Variants in PCDH9 observed in about 807,000 individuals in gnomAD.
The protein encoded by PCDH9 is protocadherin 9, also known as protocadherin-9.
Under a neutral mutation model 70.6 loss-of-function variants are expected in PCDH9, and 24 were observed. That is an observed-to-expected ratio of 0.34 (90% confidence interval 0.25 to 0.48). PCDH9 has a LOEUF of 0.48. Among genes scored for constraint, PCDH9 ranks in the 20% least tolerant of loss-of-function variants. The pLI is 0.99. For missense variants in PCDH9, 1,281 were observed against 1,503.6 expected (o/e 0.85, Z 2.45); for synonymous variants, 562 against 558.5 (o/e 1.01, Z -0.09).
At chr13:66,587,484 C>A (rs1422804395) in intron 4 of PCDH9, among the ~76,000 whole-genome samples, 1 of 152,098 alleles carries the variant, frequency 6.6e-6, no homozygotes, top group Non-Finnish European at 1.5e-5. Flanking sequence ...TGTGTTAGCA[C>A]TCTAAAGGTA....
At position 66,363,823 on chromosome 13, in the gene PCDH9, G is replaced by T. The variant is rs192471502; in HGVS notation, c.3341-58795C>A. On this transcript the variant is annotated intron_variant, in intron 4 of 4. Transcript: ENST00000377865. ...CTACATGAACACACATTGAGACTTG[G>T]GATAATGATGTTGGGCCTACTACTT... Among the ~76,000 whole-genome samples, 230 of 151,584 alleles carry T rather than the reference G, an allele frequency of 1.5e-3. 1 individual carries two copies. Among genetic ancestry groups the T allele is most frequent in the African/African-American group, 5.2e-3 (216 of 41,266 alleles).
intron 2 of PCDH9, among the ~76,000 whole-genome samples, chr13:66,922,086 T>C (rs1170040728): frequency 6.6e-6 from 1 of 151,374 alleles, no homozygotes. Context: ...TTCATAAAGA[T>C]AAACCAGATT....
In PCDH9 at chr13:66,592,475, A is replaced by G. The variant is rs186887010; in HGVS notation, c.3340+38735T>C. On this transcript the variant is annotated intron_variant, in intron 4 of 4. Transcript: ENST00000377865. ...TCTTTGGCTCAAGACATTAAAAGCAAAAGAAATTAACTTAATCTACATTGA... is the reference window on the plus strand; with the variant it reads ...TCTTTGGCTCAAGACATTAAAAGCAGAAGAAATTAACTTAATCTACATTGA... 8.6e-5 allele frequency among the ~76,000 whole-genome samples: 13 copies of G among 151,898 alleles called. No homozygotes were observed. In the South Asian group the frequency reaches 1.0e-3, roughly 12 times the overall value.
intron 3 of PCDH9, among the ~76,000 whole-genome samples, chr13:66,777,563 A>C (rs575447471): frequency 5.9e-5 from 9 of 152,262 alleles, no homozygotes; most frequent in African/African-American, 2.2e-4. Flanking sequence ...GAGAAATGCA[A>C]ATCAAAACCA....
chr13:67,154,851 G>A (rs1005119175), intron 2 of PCDH9, among the ~76,000 whole-genome samples: 6 of 151,318 alleles, frequency 4.0e-5, no homozygotes, highest in South Asian at 2.1e-4. Flanking sequence ...CTACAGGTGC[G>A]TGTCACCACA....
intron 3 of PCDH9, among the ~76,000 whole-genome samples, chr13:66,708,284 C>T (rs1205341826): frequency 2.6e-5 from 4 of 151,736 alleles, no homozygotes; most frequent in Admixed American, 1.3e-4. Flanking sequence ...CTCCTGATCT[C>T]GTGATCCGCC....
chr13:66,620,238 C>G (rs577386317), intron 4 of PCDH9, among the ~76,000 whole-genome samples: 1 of 152,090 alleles, frequency 6.6e-6, no homozygotes, highest in East Asian at 1.9e-4. Flanking sequence ...ATTCATTTAC[C>G]GTCACTTACT....
intron 2 of PCDH9, among the ~76,000 whole-genome samples, chr13:67,108,621 A>G (rs972553036): frequency 2.6e-5 from 4 of 152,252 alleles, no homozygotes; most frequent in Non-Finnish European, 5.9e-5. Flanking sequence ...CACTTATTAC[A>G]GGAATAAAGA....
chr13:66,420,284 G>T (rs1249895919), intron 4 of PCDH9, among the ~76,000 whole-genome samples: 5 of 152,198 alleles, frequency 3.3e-5, no homozygotes, highest in Admixed American at 3.3e-4. Flanking sequence ...CAGCTCTGAA[G>T]AGAGCAGCGG....
intron 2 of PCDH9, among the ~76,000 whole-genome samples, chr13:67,174,746 A>G (rs1001459594): frequency 1.3e-5 from 2 of 152,188 alleles, no homozygotes; most frequent in African/African-American, 2.4e-5. Context: ...GATCTAAACA[A>G]TGCTAAATGT....
chr13:67,034,031 C>G (rs2084959669), intron 2 of PCDH9, among the ~76,000 whole-genome samples: 1 of 152,164 alleles, frequency 6.6e-6, no homozygotes, highest in African/African-American at 2.4e-5. Context: ...GTCGCTCAGG[C>G]TGGAGTGCAG....
chr13:66,960,580 A>G lies in PCDH9; in HGVS notation c.3037-56975T>C, dbSNP rs570674039. Among the ~76,000 whole-genome samples, 14 of 152,296 alleles carry G rather than the reference A, an allele frequency of 9.2e-5. No individual in the cohort carries two copies. In the South Asian group the frequency reaches 2.5e-3, roughly 27 times the overall value. On this transcript the variant is annotated intron_variant, in intron 2 of 4. Transcript: ENST00000377865. ...CTCATGTTATTATCTACTTCTTTGGATTTTACATGAAGTAGTAAAGATATA... is the reference window on the plus strand; with the variant it reads ...CTCATGTTATTATCTACTTCTTTGGGTTTTACATGAAGTAGTAAAGATATA...
At chr13:66,801,708 T>G (rs983163069) in intron 3 of PCDH9, among the ~76,000 whole-genome samples, 1 of 151,972 alleles carries the variant, frequency 6.6e-6, no homozygotes, top group Non-Finnish European at 1.5e-5. Context: ...TAACTATCAG[T>G]TTTTGGTTAT....
rs1955769364 is a variant in PCDH9 at position 66,322,261 on chromosome 13, C to G, written c.3341-17233G>C. 2.6e-5 allele frequency among the ~76,000 whole-genome samples: 4 copies of G among 151,962 alleles called. No individual in the cohort carries two copies. The South Asian group carries it at 8.3e-4, about 32-fold the overall frequency. On this transcript the variant is annotated intron_variant, in intron 4 of 4. Coordinates refer to ENST00000377865, the MANE Select transcript of PCDH9 (RefSeq NM_203487.3). ...GGAGAAAAGCCAAGCCATTCCATTC[C>G]CTCTGGTTATCTCAATGACAGGTGT... is the stretch of plus-strand genomic sequence containing the variant.
chr13:66,726,068 C>T (rs1485753891), intron 3 of PCDH9, among the ~76,000 whole-genome samples: 1 of 152,046 alleles, frequency 6.6e-6, no homozygotes, highest in Non-Finnish European at 1.5e-5. Context: ...AGGATACTTG[C>T]CAATCTATTT....
chr13:66,370,896 C>T (rs1362323052), intron 4 of PCDH9, among the ~76,000 whole-genome samples: 1 of 152,042 alleles, frequency 6.6e-6, no homozygotes, highest in Non-Finnish European at 1.5e-5. Flanking sequence ...AAGCTGTCAA[C>T]ATTTCTTTGA....
intron 2 of PCDH9, among the ~76,000 whole-genome samples, chr13:66,915,608 CTACAGATTATGTAAAATATATA>C (rs1442344927): frequency 6.6e-6 from 1 of 151,578 alleles, no homozygotes; most frequent in African/African-American, 2.4e-5. Context: ...ACCCAAACAG[CTACAGATTATGTAAAATATATA>C]TACATAACTT....
At chr13:66,443,192 TAA>T (rs1462614856) in intron 4 of PCDH9, among the ~76,000 whole-genome samples, 1 of 152,210 alleles carries the variant, frequency 6.6e-6, no homozygotes, top group African/African-American at 2.4e-5. Flanking sequence ...TAAACAGATT[TAA>T]GACATAGCCA....
In PCDH9 at chr13:66,846,610, C is replaced by T. The variant is rs569462513; in HGVS notation, c.3138+56894G>A. 1.2e-4 allele frequency among the ~76,000 whole-genome samples: 18 copies of T among 151,856 alleles called. No homozygotes were observed. The East Asian group carries it at 2.1e-3, about 18-fold the overall frequency. The stretch of plus-strand genomic sequence containing the variant: ...TTTCTCTTGCTTTATATTTTATCTT[C>T]GCTTTCCTTCTCGTTCACTTCTTGC... On this transcript the variant is annotated intron_variant, in intron 3 of 4. Coordinates refer to ENST00000377865, the MANE Select transcript of PCDH9 (RefSeq NM_203487.3).
Sources: allele counts gnomAD v4.1 joint callset (sites outside exome capture counted in the v4.1 genomes callset), GRCh38; gene constraint gnomAD v4.1.1; transcripts MANE v1.5; gene names NCBI Gene and HGNC (gene_info 2026-07-23, HGNC 2026-07-21).